ITPR1: variants seen among roughly 807,000 people sequenced by gnomAD.
ITPR1 encodes inositol 1,4,5-trisphosphate receptor type 1.
In ITPR1, 96 loss-of-function variants were observed where a neutral mutation model predicts 318.4. The ratio of observed to expected loss-of-function variants is 0.30; its 90% CI spans 0.26 to 0.36. ITPR1 has a LOEUF of 0.36. ITPR1 is among the 10% of genes least tolerant of loss of function. The probability of loss-of-function intolerance (pLI) is 1.00; values close to 1 mark genes in which losing one functional copy is unlikely to be tolerated. For synonymous variants in ITPR1, 1,312 were observed against 1,289.9 expected (o/e 1.02, Z -0.37); for missense variants, 2,440 against 3,460.2 (o/e 0.71, Z 7.40).
intron 4 of ITPR1, among the ~76,000 whole-genome samples, chr3:4,568,784 G>A (rs1051625728): frequency 1.3e-5 from 2 of 152,206 alleles, no homozygotes; most frequent in African/African-American, 4.8e-5. Flanking sequence ...GGCTCTATGA[G>A]TGTATTAGGC....
At chr3:4,788,198 T>C in intron 52 of ITPR1, 59 bp downstream of exon 52, 1 of 1,380,428 alleles carries the variant, frequency 7.2e-7, no homozygotes. Flanking sequence ...TTTCACAAAC[T>C]TGGGCTTGAT....
chr3:4,622,944 G>C (rs2092696094), intron 4 of ITPR1, among the ~76,000 whole-genome samples: 1 of 152,242 alleles, frequency 6.6e-6, no homozygotes, highest in South Asian at 2.1e-4. Context: ...TTACAGTCTA[G>C]TGGTGAAAGT....
At chr3:4,795,590 A>C (rs2047846896) in intron 53 of ITPR1, among the ~76,000 whole-genome samples, 1 of 152,214 alleles carries the variant, frequency 6.6e-6, no homozygotes, top group Non-Finnish European at 1.5e-5. Context: ...GTGTTTCCAC[A>C]CCGCACTTCT....
intron 36 of ITPR1, among the ~76,000 whole-genome samples, chr3:4,705,264 T>G (rs748893102): frequency 7.9e-5 from 12 of 152,222 alleles, no homozygotes; most frequent in Non-Finnish European, 1.6e-4. Context: ...ATTTCAGGTT[T>G]ATGGGACTGT....
intron 4 of ITPR1, among the ~76,000 whole-genome samples, chr3:4,625,218 TC>T (rs2092785326): frequency 6.6e-6 from 1 of 150,468 alleles, no homozygotes; most frequent in African/African-American, 2.5e-5. Context: ...AATTAAGTGA[TC>T]TTTTTTTTTT....
rs186329818 is a variant in ITPR1, at chr3:4,666,714, A to G, written c.1714-663A>G. On this transcript the variant is annotated intron_variant, in intron 17 of 61. Coordinates refer to ENST00000649015, the MANE Select transcript of ITPR1 (RefSeq NM_001378452.1). Reference sequence around the variant, plus strand: ...CACTTGAATTTTGAGCAAGCAGTCTATCTTGGCCAGGGAAGCATCTTTGAA... The same window carrying G: ...CACTTGAATTTTGAGCAAGCAGTCTGTCTTGGCCAGGGAAGCATCTTTGAA... Among the ~76,000 whole-genome samples, 77 of 152,348 alleles carry G rather than the reference A, an allele frequency of 5.1e-4. 1 individual carries two copies. The highest frequency in any genetic ancestry group is 1.6e-3 in the African/African-American group (68 of 41,582).
At position 4,727,169 on chromosome 3, in the gene ITPR1, A is replaced by G; in HGVS notation, c.5216A>G (p.Lys1739Arg). The G allele has an allele frequency of 6.3e-7, 1 of 1,596,784 alleles. No homozygotes were observed. Among genetic ancestry groups the G allele is most frequent in the Non-Finnish European group, 8.5e-7 (1 of 1,178,116 alleles). ...SPPLRQLEDH[K>R]RGEALRQVLV... is the part of the protein sequence containing the mutation. ...CCCCTGCGGCAGCTGGAAGACCATAAAAGGGTACGTAGTCTTGAGTCTTGG... is the reference window on the plus strand; with the variant it reads ...CCCCTGCGGCAGCTGGAAGACCATAGAAGGGTACGTAGTCTTGAGTCTTGG... Residue 1739 changes from lysine to arginine, a missense_variant, in exon 42 of 62, where the codon AAA becomes AGA. Transcript: ENST00000649015.
intron 32 of ITPR1, 106 bp from the exon 33 acceptor site, chr3:4,693,383 GA>G: frequency 8.1e-7 from 1 of 1,236,222 alleles, no homozygotes; most frequent in Non-Finnish European, 1.2e-6. Flanking sequence ...ACTGATTTGG[GA>G]AGATAAATGC....
At chr3:4,819,217 G>A (rs1195222486) in intron 60 of ITPR1, among the ~76,000 whole-genome samples, 3 of 152,224 alleles carry the variant, frequency 2.0e-5, no homozygotes, top group Non-Finnish European at 4.4e-5. Context: ...ATTGCCAGCA[G>A]GGCAGCGATT....
chr3:4,737,301 T>C (rs2043345430), intron 44 of ITPR1, among the ~76,000 whole-genome samples: 1 of 151,906 alleles, frequency 6.6e-6, no homozygotes, highest in African/African-American at 2.4e-5. Context: ...CTCCAAGAAG[T>C]AGAAGTGATG....
intron 4 of ITPR1, among the ~76,000 whole-genome samples, chr3:4,598,402 T>C (rs1186861633): frequency 6.6e-6 from 1 of 152,124 alleles, no homozygotes; most frequent in Non-Finnish European, 1.5e-5. Context: ...GGTGAATCAG[T>C]TGAGCCCAGA....
In ITPR1 at chr3:4,702,844, C is replaced by G; in HGVS notation, c.4551C>G (p.Val1517=). The part of the protein sequence containing the change: ...QSTTLQTRQP[V]FVQLLQGVFR... Reference sequence around the variant, plus strand: ...GCTTCTTGCAGACTCGCCAGCCTGTCTTTGTGCAACTGCTGCAAGGCGTGT... The same window carrying G: ...GCTTCTTGCAGACTCGCCAGCCTGTGTTTGTGCAACTGCTGCAAGGCGTGT... The change falls in exon 36 of 62, where the codon GTC becomes GTG. Residue 1517 remains valine (V), a synonymous_variant. Transcript: ENST00000649015. 1 of 1,613,834 alleles carries G rather than the reference C, an allele frequency of 6.2e-7. No homozygotes were observed. Among genetic ancestry groups the G allele is most frequent in the Non-Finnish European group, 8.5e-7 (1 of 1,179,782 alleles).
intron 4 of ITPR1, among the ~76,000 whole-genome samples, chr3:4,610,368 G>A (rs956099978): frequency 2.0e-5 from 3 of 151,704 alleles, no homozygotes; most frequent in African/African-American, 7.2e-5. Flanking sequence ...GTTTGAATGA[G>A]AGAGAAATAA....
chr3:4,504,690 G>A (rs2124885717), intron 2 of ITPR1, among the ~76,000 whole-genome samples: 1 of 152,280 alleles, frequency 6.6e-6, no homozygotes, highest in African/African-American at 2.4e-5. Context: ...ATATCGCCAA[G>A]CATCTTTGCT....
Position 4,846,697 on chromosome 3 carries a change from T to C in ITPR1, c.*472T>C, listed in dbSNP as rs2051804981. 6.5e-6 allele frequency: 1 copy of C among 152,736 alleles called. No homozygotes were observed. Among genetic ancestry groups the C allele is most frequent in the African/African-American group, 2.4e-5 (1 of 41,470 alleles). 9.5% of individuals were successfully genotyped at this position (152,736 alleles called of 1,614,324 possible). On this transcript the variant is annotated 3_prime_UTR_variant, in exon 62 of 62. Transcript: ENST00000649015. ...ATGTAATAAATGGTTAACTTTCAAA[T>C]GATGCTGCTGCCAAAATTATATTAA...
chr3:4,681,624 A>AAGTATGTGTGTGTGT (rs548578427), intron 26 of ITPR1, among the ~76,000 whole-genome samples: 2 of 145,788 alleles, frequency 1.4e-5, no homozygotes, highest in East Asian at 4.1e-4. Context: ...AGAGAGAGAA[A>AAGTATGTGTGTGTGT]GTGTGTGTGT....
chr3:4,710,370 G>A lies in ITPR1; in HGVS notation c.4888G>A (p.Ala1630Thr). 6.4e-7 allele frequency: 1 copy of A among 1,568,428 alleles called. No homozygotes were observed. Among genetic ancestry groups the A allele is most frequent in the South Asian group, 1.2e-5 (1 of 85,100 alleles). ...LEDRLRPLVQ[A>T]ELSVLVDVLH... The stretch of plus-strand genomic sequence containing the variant: ...GGACCGTCTCAGGCCCCTGGTGCAG[G>A]CAGAGTTATCTGTGCTCGTGGATGT... Residue 1630 changes from alanine (A) to threonine (T), a missense_variant, in exon 38 of 62, where the codon GCA becomes ACA. Ala to Thr is a moderately conservative substitution (Grantham distance 58, BLOSUM62 0). Around this residue, in one of 23 missense-constraint regions of ITPR1, gnomAD observed 166 missense variants for 246.5 expected, o/e 0.67. Transcript: ENST00000649015. The surrounding 1 kb of genome is among the most constrained non-coding windows in gnomAD (Gnocchi z 4.2).
intron 60 of ITPR1, among the ~76,000 whole-genome samples, chr3:4,820,055 A>G (rs561748935): frequency 1.3e-5 from 2 of 152,332 alleles, no homozygotes; most frequent in South Asian, 4.1e-4. Context: ...CCTATTTTTA[A>G]GCAGCTTAGG....
intron 40 of ITPR1, among the ~76,000 whole-genome samples, chr3:4,717,999 GA>G (rs1289776482): frequency 3.9e-5 from 6 of 152,184 alleles, no homozygotes; most frequent in African/African-American, 1.4e-4. Context: ...ACTATGTATA[GA>G]TCCAGAAATT....
Sources: gnomAD v4.1 joint callset for allele counts (sites outside exome capture counted in the v4.1 genomes callset) on GRCh38, gnomAD v4.1.1 for gene constraint, gnomAD v4.1.1 regional missense constraint, Gnocchi (gnomAD v3.1) non-coding constraint, MANE v1.5 for transcripts, NCBI Gene and HGNC (gene_info 2026-07-23, HGNC 2026-07-21) for gene names.